Variants in PHF20L1 observed in about 807,000 individuals in gnomAD.
PHF20L1 encodes PHD finger protein 20 like 1, also known as PHD finger protein 20-like protein 1.
A neutral mutation model predicts 125.5 loss-of-function variants in PHF20L1; 44 were observed. That is an observed-to-expected ratio of 0.35 (90% CI 0.28 to 0.45). The LOEUF is 0.45. PHF20L1 is among the 20% of genes least tolerant of loss of function. The probability of loss-of-function intolerance (pLI) is 1.00; values close to 1 mark genes in which losing one functional copy is unlikely to be tolerated. For missense variants in PHF20L1, 1,012 were observed against 1,217.2 expected (o/e 0.83, Z 2.51); for synonymous variants, 380 against 403.1 (o/e 0.94, Z 0.69).
At chr8:132,819,697 T>C (rs1835368514) in intron 12 of PHF20L1, among the ~76,000 whole-genome samples, 1 of 152,072 alleles carries the variant, frequency 6.6e-6, no homozygotes, top group East Asian at 1.9e-4. Context: ...CTGATACATA[T>C]GTACATATAT....
chr8:132,820,929 C>T (rs1041480379), intron 12 of PHF20L1, among the ~76,000 whole-genome samples: 2 of 151,686 alleles, frequency 1.3e-5, no homozygotes, highest in Non-Finnish European at 2.9e-5. Flanking sequence ...AAAAGAAATA[C>T]CTTTAGTAAC....
intron 14 of PHF20L1, among the ~76,000 whole-genome samples, chr8:132,830,774 C>T (rs1439484233): frequency 6.6e-6 from 1 of 152,076 alleles, no homozygotes; most frequent in Non-Finnish European, 1.5e-5. Context: ...CCCTTTCCCA[C>T]ATCTTAAGGT....
intron 20 of PHF20L1, 132 bp downstream of exon 20, chr8:132,844,450 C>T (rs1295713006): frequency 1.5e-6 from 1 of 648,942 alleles, no homozygotes; most frequent in African/African-American, 1.8e-5. Context: ...TTTATTACTC[C>T]CTTTGTATTG....
At chr8:132,824,981 A>G (rs2131780113) in intron 13 of PHF20L1, 1 of 1,337,024 alleles carries the variant, frequency 7.5e-7, no homozygotes, top group Non-Finnish European at 1.0e-6. Context: ...CACATCAGGA[A>G]ATTGAGAATA....
intron 2 of PHF20L1, among the ~76,000 whole-genome samples, chr8:132,785,542 G>A (rs1352880048): frequency 6.6e-6 from 1 of 152,104 alleles, no homozygotes; most frequent in Non-Finnish European, 1.5e-5. Flanking sequence ...TAGTTCTGCT[G>A]TTCTTCATTA....
intron 4 of PHF20L1, 46 bp from the exon 5 acceptor site, chr8:132,798,726 A>AACTTG (rs1221291738): frequency 1.3e-5 from 16 of 1,242,196 alleles, no homozygotes; most frequent in Non-Finnish European, 1.9e-5. Context: ...TGTTGCTGTA[A>AACTTG]ACTTGAATTA....
At chr8:132,797,977 T>A (rs1329238543) in intron 4 of PHF20L1, among the ~76,000 whole-genome samples, 1 of 152,080 alleles carries the variant, frequency 6.6e-6, no homozygotes, top group Non-Finnish European at 1.5e-5. Flanking sequence ...GCATTATACA[T>A]AATTTATATA....
chr8:132,843,101 C>T, intron 19 of PHF20L1: 1 of 1,227,764 alleles, frequency 8.1e-7, no homozygotes, highest in Non-Finnish European at 1.0e-6. Flanking sequence ...TAAACTGTTA[C>T]TCTAACAAAA....
intron 18 of PHF20L1, among the ~76,000 whole-genome samples, chr8:132,840,653 T>C (rs1481922047): frequency 6.6e-6 from 1 of 152,100 alleles, no homozygotes; most frequent in African/African-American, 2.4e-5. Context: ...AATCCCTAAA[T>C]GAAGCAAGCT....
intron 18 of PHF20L1, among the ~76,000 whole-genome samples, chr8:132,841,284 A>G (rs148671228): frequency 6.6e-6 from 1 of 152,178 alleles, no homozygotes; most frequent in Non-Finnish European, 1.5e-5. Context: ...ATTGTTGGGT[A>G]GTGAAAGAGA....
chr8:132,831,986 C>T (rs1836829360), intron 14 of PHF20L1, among the ~76,000 whole-genome samples: 1 of 152,056 alleles, frequency 6.6e-6, no homozygotes, highest in African/African-American at 2.4e-5. Context: ...TAGTACTTCA[C>T]AAAAGTTTAC....
intron 1 of PHF20L1, among the ~76,000 whole-genome samples, chr8:132,776,074 C>T (rs549733948): frequency 1.3e-5 from 2 of 152,308 alleles, no homozygotes; most frequent in South Asian, 4.1e-4. Context: ...ATTCTTTGCT[C>T]CTTTCCTTAC....
Position 132,832,335 on chromosome 8 carries a change from T to G in PHF20L1, c.1845T>G (p.Phe615Leu). 1 of 1,612,262 alleles carries G rather than the reference T, an allele frequency of 6.2e-7. No individual in the cohort carries two copies. Among genetic ancestry groups the G allele is most frequent in the African/African-American group, 1.3e-5 (1 of 74,932 alleles). ...GTTCTCTGGCTTCACGAAGCATGTT[T>G]ACGGAGAAAACTACAACCTATCAGT... ...SGSSLASRSM[F>L]TEKTTTYQYP... Residue 615 changes from phenylalanine (F) to leucine (L), a missense_variant, in exon 15 of 21, where the codon TTT becomes TTG. By Grantham distance (22) the Phe-to-Leu change is conservative (BLOSUM62 0). Transcript: ENST00000395386.
In PHF20L1 at chr8:132,848,237, T is replaced by C. The variant is rs1378934809; in HGVS notation, c.*2314T>C. The C allele has an allele frequency of 6.6e-6, 1 of 152,244 alleles. No homozygotes were observed. The highest frequency in any genetic ancestry group is 1.5e-5 in the Non-Finnish European group (1 of 67,972). The allele number at this position is 152,244 out of a possible 1,614,324, so 9.4% of individuals were successfully genotyped here. On this transcript the variant is annotated 3_prime_UTR_variant, in exon 21 of 21. Coordinates refer to ENST00000395386, the MANE Select transcript of PHF20L1 (RefSeq NM_016018.5). The stretch of plus-strand genomic sequence containing the variant: ...ATGAAATTTTTGCTCTGCTTATATG[T>C]ATACGAACTGGAAATCTGAATTTTT...
intron 4 of PHF20L1, among the ~76,000 whole-genome samples, chr8:132,797,432 A>C (rs1350170383): frequency 6.6e-6 from 1 of 151,998 alleles, no homozygotes; most frequent in Non-Finnish European, 1.5e-5. Flanking sequence ...GTTTAGATAG[A>C]CACAGGGAAA....
intron 12 of PHF20L1, chr8:132,817,819 T>C (rs1835144968): frequency 6.9e-6 from 2 of 288,480 alleles, no homozygotes; most frequent in Admixed American, 4.8e-5. Flanking sequence ...TCCTTATTTC[T>C]ACTAAATATA....
intron 14 of PHF20L1, among the ~76,000 whole-genome samples, chr8:132,828,670 G>A (rs1836455195): frequency 6.6e-6 from 1 of 152,042 alleles, no homozygotes; most frequent in South Asian, 2.1e-4. Context: ...TACTAACATT[G>A]TGTTTAATTT....
chr8:132,777,753 T>A (rs1214579683), intron 1 of PHF20L1, 39 bp from the exon 2 acceptor site: 3 of 902,244 alleles, frequency 3.3e-6, no homozygotes, highest in Non-Finnish European at 3.7e-6. Flanking sequence ...TTCCTATGCA[T>A]TTTCTGCATT....
At chr8:132,821,224 A>T (rs563523003) in intron 12 of PHF20L1, among the ~76,000 whole-genome samples, 85 of 150,346 alleles carry the variant, frequency 5.7e-4, no homozygotes, top group Non-Finnish European at 1.1e-3. Context: ...CTTATTACAT[A>T]GATACTTACA....
Sources: gnomAD v4.1 joint callset for allele counts (sites outside exome capture counted in the v4.1 genomes callset) on GRCh38, gnomAD v4.1.1 for gene constraint, MANE v1.5 for transcripts, NCBI Gene and HGNC (gene_info 2026-07-23, HGNC 2026-07-21) for gene names.